The following STK32C variants were observed in gnomAD, a reference collection of about 807,000 sequenced individuals.
STK32C encodes serine/threonine kinase 32C.
STK32C carries 31 observed loss-of-function variants against 56.5 expected under a neutral mutation model. The observed-to-expected ratio is 0.55, with a 90% confidence interval of 0.41 to 0.74. The LOEUF (loss-of-function observed/expected upper bound fraction) is 0.74. STK32C is among the 30% of genes least tolerant of loss of function. The pLI, the probability that STK32C is intolerant of heterozygous loss-of-function variation, is 0.00. For synonymous variants in STK32C, 309 were observed against 289.4 expected (o/e 1.07, Z -0.69); for missense variants, 544 against 676.9 (o/e 0.80, Z 2.18).
chr10:132,280,651 A>ACTCCG (rs2065163130), intron 1 of STK32C, among the ~76,000 whole-genome samples: 2 of 118,300 alleles, frequency 1.7e-5, no homozygotes, highest in African/African-American at 3.5e-5. Flanking sequence ...ACTCCACTCC[A>ACTCCG]TGATCACCAC....
chr10:132,300,138 C>T (rs995192796), intron 1 of STK32C, among the ~76,000 whole-genome samples: 3 of 152,230 alleles, frequency 2.0e-5, no homozygotes, highest in African/African-American at 2.4e-5. Flanking sequence ...CTGCCTTCTG[C>T]GTTCGGAGGA....
chr10:132,270,447 G>A (rs2064778709), intron 1 of STK32C, among the ~76,000 whole-genome samples: 2 of 152,242 alleles, frequency 1.3e-5, no homozygotes, highest in Admixed American at 1.3e-4. Flanking sequence ...CTGGAAGCTG[G>A]AATTGGCGAG....
chr10:132,278,333 C>A (rs1341283011), intron 1 of STK32C, among the ~76,000 whole-genome samples: 1 of 150,220 alleles, frequency 6.7e-6, no homozygotes, highest in Non-Finnish European at 1.5e-5. Context: ...TGTAATCCTG[C>A]AGCAAGAGAG....
intron 1 of STK32C, among the ~76,000 whole-genome samples, chr10:132,286,701 T>C (rs2065415267): frequency 6.6e-6 from 1 of 152,190 alleles, no homozygotes; most frequent in Non-Finnish European, 1.5e-5. Context: ...CAACAACTGT[T>C]AATAATTAAA....
intron 1 of STK32C, among the ~76,000 whole-genome samples, chr10:132,291,336 C>T (rs536279223): frequency 6.6e-6 from 1 of 152,200 alleles, no homozygotes; most frequent in Non-Finnish European, 1.5e-5. Context: ...GTGGGTGACC[C>T]TGTCCCCTTG....
At chr10:132,247,638 T>C (rs1278342797) in intron 1 of STK32C, among the ~76,000 whole-genome samples, 1 of 151,922 alleles carries the variant, frequency 6.6e-6, no homozygotes, top group Non-Finnish European at 1.5e-5. Flanking sequence ...CCCAAGGGTA[T>C]GGACAGACCC....
rs2066118976 is a variant in STK32C, at chr10:132,307,617, A to T, written c.217T>A (p.Ser73Thr). 3.8e-6 allele frequency: 6 copies of T among 1,558,968 alleles called. No homozygotes were observed. The East Asian group carries it at 1.6e-4, about 41-fold the overall frequency. Residue 73 changes from serine (S) to threonine (T), a missense_variant, in exon 1 of 12, where the codon TCG becomes ACG. Ser to Thr is a moderately conservative substitution (Grantham distance 58, BLOSUM62 1). Transcript: ENST00000298630. This position sits in a 1 kb window ranked among gnomAD's most constrained non-coding sequence, Gnocchi z 4.4. ...ACCGGCCTCCGCGCGGTGGCCGCCG[A>T]CATGGACGAGCCCATCCTCTTCTTC... ...KWKKRMGSSM[S>T]AATARRPVFD...
chr10:132,238,821 G>C (rs574913157), intron 2 of STK32C, among the ~76,000 whole-genome samples: 17 of 152,176 alleles, frequency 1.1e-4, no homozygotes, highest in South Asian at 4.2e-4. Context: ...TGCACACACA[G>C]AGGCATGCAC....
At chr10:132,225,826 C>A (rs1276845405) in intron 4 of STK32C, 42 bp from the exon 5 acceptor site, 9 of 1,612,392 alleles carry the variant, frequency 5.6e-6, no homozygotes, top group Non-Finnish European at 7.6e-6. Flanking sequence ...GGGAATCTGC[C>A]CTGTTTCTGC....
rs2062850213 is a variant in STK32C, at chr10:132,225,352, A to G, written c.773-16T>C. 1.9e-6 allele frequency: 3 copies of G among 1,602,120 alleles called. No individual in the cohort carries two copies. The highest frequency in any genetic ancestry group is 2.6e-6 in the Non-Finnish European group (3 of 1,174,834). ...ATCTCCGGAGCTTTCCGACAGAAAG[A>G]AGGAAAAACAGCTGCCACGGGGTCA... On this transcript the variant is annotated splice_polypyrimidine_tract_variant and intron_variant, in intron 6 of 11. Transcript: ENST00000298630.
chr10:132,319,240 C>T (rs534202256), downstream of STK32C, among the ~76,000 whole-genome samples: 43 of 152,278 alleles, frequency 2.8e-4, no homozygotes, highest in African/African-American at 9.1e-4. Context: ...TGAGCCACCA[C>T]GCCCAGTCAT....
At chr10:132,208,638 C>T (rs553854032) in intron 11 of STK32C, among the ~76,000 whole-genome samples, 13 of 152,194 alleles carry the variant, frequency 8.5e-5, no homozygotes, top group Non-Finnish European at 1.9e-4. Context: ...CTATTTCTGG[C>T]CTGCCTTGCC....
At chr10:132,253,592 C>T (rs879603995) in intron 1 of STK32C, among the ~76,000 whole-genome samples, 51 of 122,410 alleles carry the variant, frequency 4.2e-4, no homozygotes, top group African/African-American at 5.3e-4. Flanking sequence ...CTGGAGGGAG[C>T]CGAGGGAGCT....
At chr10:132,319,810 G>T (rs556592265), downstream of STK32C, among the ~76,000 whole-genome samples, 7 of 151,120 alleles carry the variant, frequency 4.6e-5, no homozygotes, top group East Asian at 1.4e-3. Context: ...GTAGCCAAGG[G>T]TTTTTTTTTC....
At chr10:132,240,645 T>C (rs2063468416) in intron 2 of STK32C, among the ~76,000 whole-genome samples, 1 of 152,106 alleles carries the variant, frequency 6.6e-6, no homozygotes, top group East Asian at 1.9e-4. Context: ...ACCTGTTTTC[T>C]TAGTTATTTC....
rs190771582 is a variant in STK32C at position 132,213,589 on chromosome 10, C to T, written c.1252-4488G>A. ...TCAGCTCTTATTACCAGATACATCA[C>T]GTCCAGCTTTCAACAAACATTACAA... On this transcript the variant is annotated intron_variant, in intron 10 of 11. Transcript: ENST00000298630. Among the ~76,000 whole-genome samples, 7 of 152,330 alleles carry T rather than the reference C, an allele frequency of 4.6e-5. No individual in the cohort carries two copies. In the East Asian group the frequency reaches 1.2e-3, roughly 25 times the overall value.
chr10:132,239,864 C>G (rs1590224430), intron 2 of STK32C, among the ~76,000 whole-genome samples: 2 of 152,242 alleles, frequency 1.3e-5, no homozygotes, highest in African/African-American at 4.8e-5. Flanking sequence ...ATCTCAGGAG[C>G]AGGGTCTGGA....
At chr10:132,326,191 C>A (rs1435974309) in intron 1 of STK32C, among the ~76,000 whole-genome samples, 1 of 152,178 alleles carries the variant, frequency 6.6e-6, no homozygotes, top group Non-Finnish European at 1.5e-5. Context: ...CAAAAGACAG[C>A]TTTGCAGGGC....
At chr10:132,322,784 CTG>C (rs564421853), downstream of STK32C, among the ~76,000 whole-genome samples, 643 of 152,340 alleles carry the variant, frequency 4.2e-3, 5 homozygotes, top group African/African-American at 0.015. Flanking sequence ...AGTGGCCACT[CTG>C]TACTTTCTCC....
Sources: allele counts gnomAD v4.1 joint callset (sites outside exome capture counted in the v4.1 genomes callset), GRCh38; gene constraint gnomAD v4.1.1; non-coding constraint Gnocchi (gnomAD v3.1); transcripts MANE v1.5; gene names NCBI Gene and HGNC (gene_info 2026-07-23, HGNC 2026-07-21).